TANC2: variants seen among roughly 807,000 people sequenced by gnomAD.
TANC2 encodes the protein protein TANC2.
TANC2 carries 26 observed loss-of-function variants against 210.5 expected under a neutral mutation model. The ratio of observed to expected loss-of-function variants is 0.12; its 90% CI spans 0.09 to 0.17. The LOEUF (loss-of-function observed/expected upper bound fraction) is 0.17. Ranked by LOEUF, TANC2 falls within the 10% of genes least tolerant of loss-of-function variation. The pLI is 1.00. For missense variants in TANC2, 2,129 were observed against 2,608.9 expected (o/e 0.82, Z 4.01); for synonymous variants, 931 against 967.1 (o/e 0.96, Z 0.69).
intron 9 of TANC2, among the ~76,000 whole-genome samples, chr17:63,278,251 C>A (rs1261302587): frequency 6.6e-6 from 1 of 151,874 alleles, no homozygotes; most frequent in African/African-American, 2.4e-5. Flanking sequence ...AGTTAATATC[C>A]AGAATATATA....
intron 5 of TANC2, 82 bp from the exon 6 acceptor site, chr17:63,193,908 AC>A (rs1296869914): frequency 7.3e-7 from 1 of 1,379,272 alleles, no homozygotes; most frequent in Non-Finnish European, 9.5e-7. Context: ...TAAAGAAATG[AC>A]CAAAGTGAAT....
chr17:63,418,434 C>A lies in TANC2; in HGVS notation c.4268+27C>A, dbSNP rs570409416. The A allele has an allele frequency of 8.2e-6, 13 of 1,592,640 alleles. No homozygotes were observed. The highest frequency in any genetic ancestry group is 1.1e-5 in the Non-Finnish European group (13 of 1,168,456). On this transcript the variant is annotated intron_variant, in intron 27 of 27. Transcript: ENST00000689528. The surrounding 1 kb of genome is among the most constrained non-coding windows in gnomAD (Gnocchi z 4.6). ...TGAGGAGAGAGAGAGAGGGTGAAAG[C>A]AAGAGGTCTCTTTTCTGAAAATTTG...
intron 4 of TANC2, among the ~76,000 whole-genome samples, chr17:63,125,950 A>G (rs1047716699): frequency 8.5e-5 from 13 of 152,176 alleles, no homozygotes; most frequent in African/African-American, 2.9e-4. Context: ...TTGAATTCTG[A>G]CTGATATGCC....
Position 63,227,732 on chromosome 17 carries a change from T to C in TANC2, c.770-10082T>C, listed in dbSNP as rs191975743. 2.8e-3 allele frequency among the ~76,000 whole-genome samples: 430 copies of C among 152,326 alleles called. 1 individual carries two copies. Among genetic ancestry groups the C allele is most frequent in the Non-Finnish European group, 5.1e-3 (350 of 68,024 alleles). ...CTAGATTTTATTCTAGGGTTTTTAT[T>C]GTTTTGGGTTTTACATTTAAGTCTT... On this transcript the variant is annotated intron_variant, in intron 7 of 27. Transcript: ENST00000689528.
intron 5 of TANC2, chr17:63,182,743 G>A (rs975670518): frequency 6.5e-6 from 1 of 153,414 alleles, no homozygotes; most frequent in Admixed American, 6.5e-5. Flanking sequence ...CTTCAAATTT[G>A]TATCAACTTA....
intron 26 of TANC2, among the ~76,000 whole-genome samples, chr17:63,416,252 G>A (rs1199518654): frequency 2.0e-5 from 3 of 152,178 alleles, no homozygotes; most frequent in East Asian, 1.9e-4. Flanking sequence ...GGTCCTTCCT[G>A]CCTACCTTGC....
chr17:63,260,603 A>T (rs913086066), intron 8 of TANC2, among the ~76,000 whole-genome samples: 1 of 151,778 alleles, frequency 6.6e-6, no homozygotes, highest in African/African-American at 2.4e-5. Context: ...TGGGCAACAC[A>T]GCGAAACCCT....
intron 7 of TANC2, among the ~76,000 whole-genome samples, chr17:63,215,735 TTTATTTTTATTTTATTA>T (rs1020677574): frequency 3.3e-5 from 5 of 151,910 alleles, no homozygotes; most frequent in African/African-American, 1.2e-4. Context: ...TTTGTTTTGT[TTTATTTTTATTTTATTA>T]TTATTTTTTT....
At chr17:63,044,516 T>G (rs1164073893) in intron 2 of TANC2, among the ~76,000 whole-genome samples, 1 of 152,142 alleles carries the variant, frequency 6.6e-6, no homozygotes, top group Non-Finnish European at 1.5e-5. Flanking sequence ...TAATATGAAT[T>G]TGAATTTTCT....
chr17:63,340,791 T>G (rs1410708893), intron 12 of TANC2, among the ~76,000 whole-genome samples: 5 of 152,192 alleles, frequency 3.3e-5, no homozygotes, highest in Non-Finnish European at 7.4e-5. Context: ...AAACCAGAAA[T>G]CATTTAACTG....
In TANC2 at chr17:63,123,607, TAAGTAAGGTTTTAAGCTGTAAATTTGG is replaced by T. The variant is rs575229129; in HGVS notation, c.322+24255_322+24281del. ...AAATGTGTTTTCAGCACTTTGAAAATAAGTAAGGTTTTAAGCTGTAAATTTGGAAGTTATACCCGTAGAGAGTATAGT... is the reference window on the plus strand; with the variant it reads ...AAATGTGTTTTCAGCACTTTGAAAATAAGTTATACCCGTAGAGAGTATAGT... On this transcript the variant is annotated intron_variant, in intron 4 of 27. Coordinates refer to ENST00000689528, the Ensembl canonical transcript of TANC2. Among the ~76,000 whole-genome samples, 34 of 146,582 alleles carry T rather than the reference TAAGTAAGGTTTTAAGCTGTAAATTTGG, an allele frequency of 2.3e-4. 1 individual carries two copies. In the East Asian group the frequency reaches 6.8e-3, roughly 29 times the overall value.
intron 1 of TANC2, among the ~76,000 whole-genome samples, chr17:62,981,136 C>A (rs2143418696): frequency 6.6e-6 from 1 of 152,298 alleles, no homozygotes; most frequent in Admixed American, 6.5e-5. Flanking sequence ...CTTGTTAACT[C>A]TAGTTCTTTC....
chr17:63,244,726 T>C (rs2042869083), intron 8 of TANC2, among the ~76,000 whole-genome samples: 1 of 152,236 alleles, frequency 6.6e-6, no homozygotes, highest in East Asian at 1.9e-4. Flanking sequence ...GTCTCTGATA[T>C]GATTTGGCTG....
chr17:63,128,422 A>G (rs2038791148), intron 4 of TANC2, among the ~76,000 whole-genome samples: 1 of 152,184 alleles, frequency 6.6e-6, no homozygotes, highest in African/African-American at 2.4e-5. Flanking sequence ...GGGTGAAGGT[A>G]TTTTAAAAAT....
intron 7 of TANC2, among the ~76,000 whole-genome samples, chr17:63,223,388 G>A (rs2042246858): frequency 6.6e-6 from 1 of 152,112 alleles, no homozygotes; most frequent in South Asian, 2.1e-4. Flanking sequence ...AGAGAGCAGG[G>A]CTATCCCATA....
intron 5 of TANC2, among the ~76,000 whole-genome samples, chr17:63,191,370 C>T (rs1208678960): frequency 6.6e-6 from 1 of 150,662 alleles, no homozygotes; most frequent in Admixed American, 6.6e-5. Flanking sequence ...TACTTTTGCA[C>T]CAAACTAATA....
chr17:63,231,450 C>A (rs1270851469), intron 7 of TANC2, among the ~76,000 whole-genome samples: 1 of 152,130 alleles, frequency 6.6e-6, no homozygotes, highest in Non-Finnish European at 1.5e-5. Flanking sequence ...GCAAGGCAGG[C>A]CTGGTGGTGA....
At chr17:63,204,523 G>A (rs1333652499) in intron 7 of TANC2, among the ~76,000 whole-genome samples, 1 of 152,126 alleles carries the variant, frequency 6.6e-6, no homozygotes, top group African/African-American at 2.4e-5. Context: ...CCAGCTCCTT[G>A]GGAGGCTGAG....
chr17:63,246,336 A>G (rs1189791924), intron 8 of TANC2, among the ~76,000 whole-genome samples: 1 of 151,326 alleles, frequency 6.6e-6, no homozygotes, highest in Non-Finnish European at 1.5e-5. Context: ...CTTATTTTAT[A>G]TATTATAAAA....
Sources: gnomAD v4.1 joint callset for allele counts (sites outside exome capture counted in the v4.1 genomes callset) on GRCh38, gnomAD v4.1.1 for gene constraint, Gnocchi (gnomAD v3.1) non-coding constraint, MANE v1.5 for transcripts, NCBI Gene and HGNC (gene_info 2026-07-23, HGNC 2026-07-21) for gene names.